Variants in ARHGAP44 observed in about 807,000 individuals in gnomAD.
ARHGAP44 encodes the protein Rho GTPase activating protein 44, also known as rho GTPase-activating protein 44.
Under a neutral mutation model 106.8 loss-of-function variants are expected in ARHGAP44, and 43 were observed. That is an observed-to-expected ratio of 0.40 (90% CI 0.32 to 0.52). The LOEUF is 0.52. Ranked by LOEUF, ARHGAP44 falls within the 20% of genes least tolerant of loss-of-function variation. The pLI, the probability that ARHGAP44 is intolerant of heterozygous loss-of-function variation, is 0.48. For missense variants in ARHGAP44, 866 were observed against 1,050.5 expected, an observed-to-expected ratio of 0.82 and a Z score of 2.43; for synonymous variants, 439 against 410.3, an observed-to-expected ratio of 1.07 and a Z score of -0.85.
Position 12,919,844 on chromosome 17 carries a change from T to C in ARHGAP44, c.464+13T>C. On this transcript the variant is annotated intron_variant, in intron 6 of 20. Transcript: ENST00000379672. Reference sequence around the variant, plus strand: ...CCTCACGAACCAGGTAGAATCTCTTTACTTTCTTTTTTGCTTCTTTGAAGG... The same window carrying C: ...CCTCACGAACCAGGTAGAATCTCTTCACTTTCTTTTTTGCTTCTTTGAAGG... 1 of 1,607,354 alleles carries C rather than the reference T, an allele frequency of 6.2e-7. No homozygotes were observed. Among genetic ancestry groups the C allele is most frequent in the Non-Finnish European group, 8.5e-7 (1 of 1,176,936 alleles).
Position 12,943,571 on chromosome 17 carries a change from G to A in ARHGAP44, c.652-17G>A. Reference sequence around the variant, plus strand: ...TTGCCCCTCACTAAGGGTGATGCTTGCCTTGTGTCTTCTCAGCTAATAGAA... The same window carrying A: ...TTGCCCCTCACTAAGGGTGATGCTTACCTTGTGTCTTCTCAGCTAATAGAA... On this transcript the variant is annotated splice_polypyrimidine_tract_variant and intron_variant, in intron 8 of 20. Transcript: ENST00000379672. 2 of 1,613,366 alleles carry A rather than the reference G, an allele frequency of 1.2e-6. No individual in the cohort carries two copies. Among genetic ancestry groups the A allele is most frequent in the Non-Finnish European group, 1.7e-6 (2 of 1,179,422 alleles).
intron 1 of ARHGAP44, among the ~76,000 whole-genome samples, chr17:12,883,900 T>C (rs898070786): frequency 6.6e-6 from 1 of 152,166 alleles, no homozygotes; most frequent in African/African-American, 2.4e-5. Context: ...TGACATCTAT[T>C]GTGGCAAAAT....
intron 4 of ARHGAP44, among the ~76,000 whole-genome samples, chr17:12,914,876 C>G (rs746868248): frequency 6.6e-6 from 1 of 151,248 alleles, no homozygotes; most frequent in Non-Finnish European, 1.5e-5. Flanking sequence ...AGTATAAAAC[C>G]ATGCATGTAG....
intron 1 of ARHGAP44, among the ~76,000 whole-genome samples, chr17:12,834,377 T>G (rs1424425280): frequency 2.0e-5 from 3 of 152,196 alleles, no homozygotes; most frequent in Non-Finnish European, 4.4e-5. Context: ...CTGTTATGAA[T>G]TTTTTAAATA....
chr17:12,918,248 A>C (rs1221413425), intron 5 of ARHGAP44, among the ~76,000 whole-genome samples: 1 of 152,184 alleles, frequency 6.6e-6, no homozygotes, highest in African/African-American at 2.4e-5. Flanking sequence ...TTGCCTGGGG[A>C]CAGTTACACT....
intron 1 of ARHGAP44, among the ~76,000 whole-genome samples, chr17:12,849,778 G>A (rs1349380855): frequency 6.6e-6 from 1 of 151,818 alleles, no homozygotes; most frequent in East Asian, 1.9e-4. Context: ...GATGGCATGT[G>A]TCATAAAAAA....
At chr17:12,903,770 C>T (rs1256392389) in intron 3 of ARHGAP44, among the ~76,000 whole-genome samples, 1 of 152,044 alleles carries the variant, frequency 6.6e-6, no homozygotes, top group Non-Finnish European at 1.5e-5. Flanking sequence ...CCCCTGAGTC[C>T]CCAGAGTCCA....
In ARHGAP44 at chr17:12,990,390, T is replaced by TTTTG. The variant is rs1296933848; in HGVS notation, c.*224_*227dup. ...TTCCTTTCGGGTGGTGACTTCGGCC[T>TTTTG]TTTGTTTGACCTTTGCCTTTTGACT... On this transcript the variant is annotated 3_prime_UTR_variant, in exon 21 of 21. Coordinates refer to ENST00000379672, the MANE Select transcript of ARHGAP44 (RefSeq NM_014859.6). 7.2e-6 allele frequency: 4 copies of TTTTG among 558,986 alleles called. No homozygotes were observed. The highest frequency in any genetic ancestry group is 1.2e-5 in the Non-Finnish European group (4 of 324,550). 34.6% of individuals were successfully genotyped at this position (558,986 alleles called of 1,614,324 possible).
intron 1 of ARHGAP44, among the ~76,000 whole-genome samples, chr17:12,819,543 C>G (rs1043791112): frequency 4.0e-5 from 6 of 150,240 alleles, no homozygotes; most frequent in Non-Finnish European, 4.4e-5. Flanking sequence ...CAGTTATGTC[C>G]AGTTGCTCCA....
rs138774835 is a variant in ARHGAP44, at chr17:12,846,689, A to G, written c.54-48251A>G. ...TCTTGAAAACCTGAGACATCTTCAA[A>G]TGCCAGGACATCTCTCATGCTGTCA... On this transcript the variant is annotated intron_variant, in intron 1 of 20. Coordinates refer to ENST00000379672, the MANE Select transcript of ARHGAP44 (RefSeq NM_014859.6). 4.0e-4 allele frequency among the ~76,000 whole-genome samples: 61 copies of G among 152,386 alleles called. No homozygotes were observed. In the East Asian group the frequency reaches 9.1e-3, roughly 23 times the overall value.
chr17:12,835,469 C>A (rs1329094403), intron 1 of ARHGAP44, among the ~76,000 whole-genome samples: 2 of 152,112 alleles, frequency 1.3e-5, no homozygotes, highest in Non-Finnish European at 2.9e-5. Context: ...AAATTAGACT[C>A]CTCAGTTGCT....
chr17:12,966,155 CA>C (rs34324286), intron 16 of ARHGAP44, among the ~76,000 whole-genome samples: 9,588 of 116,494 alleles, frequency 0.082, 288 homozygotes, highest in Middle Eastern at 0.11. Context: ...CACGCTGTCT[CA>C]AAAAAAAAAA....
intron 1 of ARHGAP44, among the ~76,000 whole-genome samples, chr17:12,831,793 G>C (rs2035097135): frequency 6.6e-6 from 1 of 152,108 alleles, no homozygotes; most frequent in Admixed American, 6.5e-5. Flanking sequence ...CAATGGTCAG[G>C]GGCCTACAGT....
Position 12,878,847 on chromosome 17 carries a change from G to A in ARHGAP44, c.54-16093G>A, listed in dbSNP as rs530371619. ...TTAAATCCTTTTGATCATTAAATGA[G>A]TTTATGACCTTACATTTTTAAGAAC... On this transcript the variant is annotated intron_variant, in intron 1 of 20. Transcript: ENST00000379672. Among the ~76,000 whole-genome samples, 7 of 152,312 alleles carry A rather than the reference G, an allele frequency of 4.6e-5. No individual in the cohort carries two copies. The South Asian group carries it at 1.2e-3, about 27-fold the overall frequency.
At chr17:12,879,030 TAC>T in intron 1 of ARHGAP44, among the ~76,000 whole-genome samples, 1 of 152,338 alleles carries the variant, frequency 6.6e-6, no homozygotes, top group South Asian at 2.1e-4. Flanking sequence ...GGTGTTTGGT[TAC>T]ATGAATAAGT....
At chr17:12,846,627 G>A (rs2035578510) in intron 1 of ARHGAP44, among the ~76,000 whole-genome samples, 1 of 152,226 alleles carries the variant, frequency 6.6e-6, no homozygotes, top group Non-Finnish European at 1.5e-5. Flanking sequence ...TGTCAAAGAA[G>A]TAGGAATGAA....
chr17:12,888,580 C>G (rs1329106563), intron 1 of ARHGAP44, among the ~76,000 whole-genome samples: 1 of 152,096 alleles, frequency 6.6e-6, no homozygotes, highest in Non-Finnish European at 1.5e-5. Context: ...GTGGAGTGTT[C>G]TGTAAGTATC....
intron 1 of ARHGAP44, 83 bp downstream of exon 1, chr17:12,789,974 GC>G: frequency 3.0e-6 from 4 of 1,312,452 alleles, no homozygotes. Flanking sequence ...AGCCCGCCCA[GC>G]CTCCAGTCCT....
intron 1 of ARHGAP44, among the ~76,000 whole-genome samples, chr17:12,867,449 T>C (rs2150875996): frequency 6.6e-6 from 1 of 152,256 alleles, no homozygotes; most frequent in East Asian, 1.9e-4. Context: ...ATTGTCTCCA[T>C]AGTCTTGCTT....
Sources: allele counts gnomAD v4.1 joint callset (sites outside exome capture counted in the v4.1 genomes callset), GRCh38; gene constraint gnomAD v4.1.1; transcripts MANE v1.5; gene names NCBI Gene and HGNC (gene_info 2026-07-23, HGNC 2026-07-21).